EPB42: variants seen among roughly 807,000 people sequenced by gnomAD.
The protein encoded by EPB42 is erythrocyte membrane protein band 4.2.
EPB42 carries 49 observed loss-of-function variants against 76.9 expected under a neutral mutation model. That is an observed-to-expected ratio of 0.64 (90% CI 0.51 to 0.81). EPB42 has a LOEUF of 0.81. EPB42 is among the 30% of genes least tolerant of loss of function. EPB42 has a pLI of 0.00. For synonymous variants in EPB42, 310 were observed against 338.4 expected (o/e 0.92, Z 0.92); for missense variants, 731 against 867.6 (o/e 0.84, Z 1.98).
intron 6 of EPB42, 111 bp downstream of exon 6, chr15:43,209,163 G>C (rs1256897672): frequency 2.2e-5 from 28 of 1,253,048 alleles, no homozygotes; most frequent in Non-Finnish European, 2.9e-5. Flanking sequence ...ATGAGATGGG[G>C]AAATGCGGCC....
intron 1 of EPB42, among the ~76,000 whole-genome samples, chr15:43,219,551 C>T (rs1739996363): frequency 6.6e-6 from 1 of 152,122 alleles, no homozygotes; most frequent in Admixed American, 6.5e-5. Context: ...GAATTTAGTG[C>T]CCAGGGGCAT....
rs747259857 is a variant in EPB42 at position 43,209,359 on chromosome 15, C to G, written c.747G>C (p.Val249=). Residue 249 remains valine (V), a synonymous_variant, in exon 6 of 13, where the codon GTG becomes GTC. Coordinates refer to ENST00000441366, the MANE Select transcript of EPB42 (RefSeq NM_001114134.2). ...GALLNKRRGS[V]PILRQWLTGR... ...CGGTGAGCCACTGCCGCAGGATGGG[C>G]ACGCTGCCCCGGCGCTTGTTCAGCA... The G allele has an allele frequency of 6.2e-7, 1 of 1,614,124 alleles. No individual in the cohort carries two copies. Among genetic ancestry groups the G allele is most frequent in the South Asian group, 1.1e-5 (1 of 91,076 alleles).
intron 1 of EPB42, among the ~76,000 whole-genome samples, chr15:43,216,755 T>C (rs541336479): frequency 6.6e-6 from 1 of 152,350 alleles, no homozygotes; most frequent in East Asian, 1.9e-4. Flanking sequence ...AATAAGTGCG[T>C]TGCTTACTCT....
chr15:43,219,732 G>A (rs1271132386), intron 1 of EPB42, among the ~76,000 whole-genome samples: 1 of 152,150 alleles, frequency 6.6e-6, no homozygotes, highest in East Asian at 1.9e-4. Context: ...GGATCACGAG[G>A]TCAAGAGATC....
chr15:43,204,526 C>T (rs2042172016), intron 10 of EPB42, among the ~76,000 whole-genome samples: 1 of 152,172 alleles, frequency 6.6e-6, no homozygotes, highest in Non-Finnish European at 1.5e-5. Context: ...GCGTGTGTCA[C>T]GGGCTTTCAG....
chr15:43,208,605 G>A, intron 7 of EPB42, 32 bp downstream of exon 7: 1 of 1,613,856 alleles, frequency 6.2e-7, no homozygotes, highest in Non-Finnish European at 8.5e-7. Flanking sequence ...GCCCTTCCTG[G>A]ACTGGAACCT....
intron 3 of EPB42, among the ~76,000 whole-genome samples, chr15:43,213,565 C>T (rs2042332344): frequency 6.6e-6 from 1 of 152,162 alleles, no homozygotes; most frequent in Admixed American, 6.5e-5. Context: ...CAAGCACTGT[C>T]CTAGAACTCT....
intron 12 of EPB42, among the ~76,000 whole-genome samples, chr15:43,198,467 T>C (rs1013449321): frequency 6.6e-6 from 1 of 152,160 alleles, no homozygotes; most frequent in Admixed American, 6.5e-5. Flanking sequence ...GAAAGATGAT[T>C]TAGGGTATCT....
At chr15:43,221,512 C>G (rs1596425462), upstream of EPB42, among the ~76,000 whole-genome samples, 1 of 152,296 alleles carries the variant, frequency 6.6e-6, no homozygotes, top group East Asian at 1.9e-4. Flanking sequence ...TGGGAACTAT[C>G]TTGGGACTCA....
chr15:43,202,819 T>C (rs2042145857), intron 11 of EPB42, among the ~76,000 whole-genome samples: 4 of 152,208 alleles, frequency 2.6e-5, no homozygotes, highest in African/African-American at 9.6e-5. Context: ...GAAAATCCTC[T>C]GGCATGTGTA....
intron 8 of EPB42, 85 bp downstream of exon 8, chr15:43,208,145 G>A: frequency 4.1e-6 from 5 of 1,224,938 alleles, no homozygotes; most frequent in Non-Finnish European, 6.0e-6. Context: ...GACCCCCTTG[G>A]GACTGCCTGC....
At chr15:43,210,678 T>A (rs2042281519) in intron 4 of EPB42, among the ~76,000 whole-genome samples, 1 of 152,172 alleles carries the variant, frequency 6.6e-6, no homozygotes, top group African/African-American at 2.4e-5. Flanking sequence ...CTATCTGTTG[T>A]CTGACTCCCG....
At chr15:43,221,432 A>G (rs933229189), upstream of EPB42, among the ~76,000 whole-genome samples, 1 of 152,242 alleles carries the variant, frequency 6.6e-6, no homozygotes, top group Non-Finnish European at 1.5e-5. Context: ...AAATAAATGT[A>G]TTAAAAGTAG....
rs2142263398 is a variant in EPB42, at chr15:43,201,869, GC to G, written c.1887del (p.Leu630SerfsTer47). On this transcript the variant is annotated frameshift_variant, in exon 12 of 13. Coordinates refer to ENST00000441366, the MANE Select transcript of EPB42 (RefSeq NM_001114134.2). LOFTEE classifies it high-confidence loss of function. Reference sequence around the variant, plus strand: ...CTGTAGCTCCTCTCTCTGTGAATGAGCCCCCTTCCCAGGATGGAGATCACAC... The same window carrying G: ...CTGTAGCTCCTCTCTCTGTGAATGAGCCCCTTCCCAGGATGGAGATCACAC... ...EDCVISILGRGLIHRERSYRF... is the reference protein window; with the variant it reads ...EDCVISILGRXLIHRERSYRF... 8 of 1,614,190 alleles carry G rather than the reference GC, an allele frequency of 5.0e-6. No individual in the cohort carries two copies. The highest frequency in any genetic ancestry group is 1.3e-5 in the African/African-American group (1 of 75,040).
chr15:43,219,282 T>C (rs2042423589), intron 1 of EPB42, among the ~76,000 whole-genome samples: 1 of 152,010 alleles, frequency 6.6e-6, no homozygotes, highest in African/African-American at 2.4e-5. Flanking sequence ...TAAAAAGGAG[T>C]AAAATACGTA....
rs747737312 is a variant in EPB42 at position 43,210,424 on chromosome 15, T to A, written c.565A>T (p.Ile189Phe). Reference sequence around the variant, plus strand: ...CTCAGCAAGCGCAGGCTGAGGTCAATGACATCCCCCTCGAACTGTTAAGGA... The same window carrying A: ...CTCAGCAAGCGCAGGCTGAGGTCAAAGACATCCCCCTCGAACTGTTAAGGA... ...WDFGQFEGDVIDLSLRLLSKD... is the reference protein window; with the variant it reads ...WDFGQFEGDVFDLSLRLLSKD... The change falls in exon 5 of 13, where the codon ATT becomes TTT. Residue 189 changes from isoleucine (I) to phenylalanine (F), a missense_variant. Coordinates refer to ENST00000441366, the MANE Select transcript of EPB42 (RefSeq NM_001114134.2). The A allele has an allele frequency of 1.2e-6, 2 of 1,613,778 alleles. No individual in the cohort carries two copies. Among genetic ancestry groups the A allele is most frequent in the Non-Finnish European group, 1.7e-6 (2 of 1,179,946 alleles).
chr15:43,197,879 G>T (rs1042481570), intron 12 of EPB42, among the ~76,000 whole-genome samples: 1 of 152,292 alleles, frequency 6.6e-6, no homozygotes, highest in East Asian at 1.9e-4. Context: ...AATCATGGGG[G>T]CTGGTCTTTC....
chr15:43,212,206 A>G (rs974452999), intron 3 of EPB42, among the ~76,000 whole-genome samples: 4 of 152,076 alleles, frequency 2.6e-5, no homozygotes, highest in African/African-American at 9.7e-5. Flanking sequence ...TGTCTCTACT[A>G]AAAATACAAA....
At chr15:43,210,213 A>AC in intron 5 of EPB42, 122 bp downstream of exon 5, 1 of 864,924 alleles carries the variant, frequency 1.2e-6, no homozygotes, top group South Asian at 1.3e-5. Flanking sequence ...CTGTCCCCAC[A>AC]CCCTGGGAGG....
Sources: gnomAD v4.1 joint callset for allele counts (sites outside exome capture counted in the v4.1 genomes callset) on GRCh38, gnomAD v4.1.1 for gene constraint, MANE v1.5 for transcripts, NCBI Gene and HGNC (gene_info 2026-07-23, HGNC 2026-07-21) for gene names.